Variants in CSMD1 observed in about 807,000 individuals in gnomAD.
The protein encoded by CSMD1 is CUB and sushi domain-containing protein 1.
CSMD1 carries 213 observed loss-of-function variants against 417.5 expected under a neutral mutation model. That is an observed-to-expected ratio of 0.51 (90% CI 0.46 to 0.57). The LOEUF is 0.57. CSMD1 is among the 20% of genes least tolerant of loss of function. The pLI, the probability that CSMD1 is intolerant of heterozygous loss-of-function variation, is 0.00. For missense variants in CSMD1, 6,923 were observed against 4,529.7 expected (o/e 1.53, Z -15.17); for synonymous variants, 2,862 against 1,736.8 (o/e 1.65, Z -16.11).
At chr8:4,736,474 A>G (rs555709704) in intron 1 of CSMD1, among the ~76,000 whole-genome samples, 122 of 152,266 alleles carry the variant, frequency 8.0e-4, no homozygotes, top group African/African-American at 2.8e-3. Context: ...GGCAAATACA[A>G]GAAAAACTAA....
chr8:4,314,473 C>G (rs6983351), intron 3 of CSMD1, among the ~76,000 whole-genome samples: 1 of 151,894 alleles, frequency 6.6e-6, no homozygotes, highest in Non-Finnish European at 1.5e-5. Context: ...CAATTGCATC[C>G]GTTCCTTGAA....
chr8:3,343,253 C>A (rs775910233), intron 23 of CSMD1, 41 bp downstream of exon 23: 4 of 1,572,864 alleles, frequency 2.5e-6, no homozygotes, highest in South Asian at 1.1e-5. Flanking sequence ...TATGTCCTGA[C>A]AAAATGAAAA....
intron 1 of CSMD1, among the ~76,000 whole-genome samples, chr8:4,684,257 G>C (rs988808357): frequency 1.3e-5 from 2 of 152,194 alleles, no homozygotes; most frequent in Non-Finnish European, 2.9e-5. Context: ...TCTACAATAA[G>C]TGTGCATTGA....
At chr8:3,185,782 T>G (rs539506168) in intron 36 of CSMD1, among the ~76,000 whole-genome samples, 1 of 152,340 alleles carries the variant, frequency 6.6e-6, no homozygotes, top group East Asian at 1.9e-4. Flanking sequence ...AGGTAGGTGC[T>G]AGGAATTGTG....
At chr8:4,799,339 G>A (rs1239024426) in intron 1 of CSMD1, among the ~76,000 whole-genome samples, 1 of 152,004 alleles carries the variant, frequency 6.6e-6, no homozygotes, top group Admixed American at 6.6e-5. Context: ...GACATGACTG[G>A]TAATACAATG....
At chr8:3,276,260 G>A (rs1251932950) in intron 26 of CSMD1, among the ~76,000 whole-genome samples, 1 of 151,710 alleles carries the variant, frequency 6.6e-6, no homozygotes, top group Non-Finnish European at 1.5e-5. Context: ...GGACCCACTT[G>A]AGGAGGCAGT....
chr8:4,380,904 T>A (rs2128918598), intron 3 of CSMD1, among the ~76,000 whole-genome samples: 1 of 152,304 alleles, frequency 6.6e-6, no homozygotes, highest in East Asian at 1.9e-4. Context: ...ATAATATTAT[T>A]GTTTTATACA....
intron 5 of CSMD1, among the ~76,000 whole-genome samples, chr8:3,875,818 T>C (rs148984133): frequency 3.9e-5 from 6 of 152,268 alleles, no homozygotes; most frequent in Middle Eastern, 3.4e-3. Flanking sequence ...GCTGAGAGCT[T>C]GAGGGAATTT....
At chr8:3,849,702 C>T (rs75039675) in intron 5 of CSMD1, among the ~76,000 whole-genome samples, 3 of 152,058 alleles carry the variant, frequency 2.0e-5, no homozygotes, top group South Asian at 2.1e-4. Context: ...AAATCAGGAT[C>T]GGCACAGGAA....
At chr8:4,807,456 C>A (rs991666071) in intron 1 of CSMD1, among the ~76,000 whole-genome samples, 1 of 152,136 alleles carries the variant, frequency 6.6e-6, no homozygotes, top group Non-Finnish European at 1.5e-5. Context: ...CACACTTGAG[C>A]TGAAACCTTG....
intron 5 of CSMD1, among the ~76,000 whole-genome samples, chr8:3,905,472 G>T (rs565869593): frequency 3.9e-5 from 6 of 152,310 alleles, no homozygotes; most frequent in Non-Finnish European, 1.5e-5. Context: ...GTCCAATGAC[G>T]GTGACTTTCC....
At chr8:4,912,581 T>C (rs1805765949) in intron 1 of CSMD1, among the ~76,000 whole-genome samples, 1 of 152,190 alleles carries the variant, frequency 6.6e-6, no homozygotes, top group South Asian at 2.1e-4. Flanking sequence ...AAATGAACAC[T>C]CTCAAAAGCC....
chr8:3,007,297 GA>G (rs1808011548), intron 52 of CSMD1, among the ~76,000 whole-genome samples: 1 of 151,884 alleles, frequency 6.6e-6, no homozygotes, highest in Non-Finnish European at 1.5e-5. Flanking sequence ...AGGATGTGGA[GA>G]AATAGGAACA....
chr8:3,176,403 G>C (rs1370561656), intron 37 of CSMD1, among the ~76,000 whole-genome samples: 1 of 151,988 alleles, frequency 6.6e-6, no homozygotes, highest in Non-Finnish European at 1.5e-5. Context: ...GGGACAGATA[G>C]ATAGATCTCA....
chr8:3,885,189 C>T (rs1357489), intron 5 of CSMD1, among the ~76,000 whole-genome samples: 1,743 of 152,072 alleles, frequency 0.011, 35 homozygotes, highest in African/African-American at 0.039. Context: ...GAGACATTCA[C>T]AGATCAGAAA....
Position 3,564,174 on chromosome 8 carries a change from T to C in CSMD1, c.1344+10771A>G, listed in dbSNP as rs531081644. 1.8e-4 allele frequency among the ~76,000 whole-genome samples: 27 copies of C among 152,362 alleles called. No homozygotes were observed. In the Middle Eastern group the frequency reaches 0.014, roughly 77 times the overall value. On this transcript the variant is annotated intron_variant, in intron 10 of 69. Transcript: ENST00000635120. ...GATTGAAATTATTTTCTTCTAGCTA[T>C]TTTGAAATATATAATAAATTATCAT...
chr8:3,734,080 G>C (rs888698537), intron 6 of CSMD1, among the ~76,000 whole-genome samples: 12 of 152,054 alleles, frequency 7.9e-5, no homozygotes, highest in African/African-American at 2.9e-4. Flanking sequence ...ATTTTTAAGT[G>C]AACTTCTTAT....
chr8:4,645,433 T>C (rs1358028636), intron 1 of CSMD1, among the ~76,000 whole-genome samples: 1 of 82,716 alleles, frequency 1.2e-5, no homozygotes, highest in African/African-American at 4.6e-5. Flanking sequence ...ACAGCAGGTG[T>C]AGTGCAGGGG....
At chr8:3,772,096 G>A (rs535454667) in intron 5 of CSMD1, among the ~76,000 whole-genome samples, 17 of 150,378 alleles carry the variant, frequency 1.1e-4, no homozygotes, top group Admixed American at 2.0e-4. Context: ...TGATATTAGG[G>A]TGATTTTGTG....
Sources: allele counts gnomAD v4.1 joint callset (sites outside exome capture counted in the v4.1 genomes callset), GRCh38; gene constraint gnomAD v4.1.1; transcripts MANE v1.5; gene names NCBI Gene and HGNC (gene_info 2026-07-23, HGNC 2026-07-21).